Variants in ROBO3 observed in about 807,000 individuals in gnomAD.
ROBO3 encodes the protein roundabout guidance receptor 3, also known as roundabout homolog 3.
ROBO3 carries 97 observed loss-of-function variants against 160.5 expected under a neutral mutation model. The ratio of observed to expected loss-of-function variants is 0.60; its 90% CI spans 0.51 to 0.72. The LOEUF is 0.72. ROBO3 is among the 30% of genes least tolerant of loss of function. ROBO3 has a pLI of 0.00. For missense variants in ROBO3, 1,858 were observed against 1,846.5 expected (o/e 1.01, Z -0.11); for synonymous variants, 780 against 746.2 (o/e 1.05, Z -0.74).
Position 124,873,701 on chromosome 11 carries a change from C to T in ROBO3, c.1623C>T (p.Asp541=). 6.2e-7 allele frequency: 1 copy of T among 1,610,752 alleles called. No individual in the cohort carries two copies. ...AAAGATTATCTCCCACTGCAGAAGA[C>T]TGGGGAGTATCACCAGACCCCCCTA... The part of the protein sequence containing the change: ...TWSGWLKMRE[D]WGVSPDPPTE... The change falls in exon 11 of 28, where the codon GAC becomes GAT. Residue 541 remains aspartate, a synonymous_variant. Coordinates refer to ENST00000397801, the MANE Select transcript of ROBO3 (RefSeq NM_022370.4). This position sits in a 1 kb window ranked among gnomAD's most constrained non-coding sequence, Gnocchi z 4.5.
At position 124,880,734 on chromosome 11, in the gene ROBO3, G is replaced by A. The variant is rs539318891; in HGVS notation, c.4149+126G>A. On this transcript the variant is annotated intron_variant, in intron 27 of 27. Coordinates refer to ENST00000397801, the MANE Select transcript of ROBO3 (RefSeq NM_022370.4). Reference sequence around the variant, plus strand: ...GTGTCAAAAGGAGGGGATCGAGAGGGTGAGGGGGAGGGAGGAATCCTGTAG... The same window carrying A: ...GTGTCAAAAGGAGGGGATCGAGAGGATGAGGGGGAGGGAGGAATCCTGTAG... The A allele has an allele frequency of 3.2e-4, 429 of 1,348,950 alleles. 7 individuals carry two copies. The South Asian group carries it at 5.9e-3, about 19-fold the overall frequency. 83.6% of individuals were successfully genotyped at this position (1,348,950 alleles called of 1,614,324 possible).
intron 1 of ROBO3, among the ~76,000 whole-genome samples, chr11:124,867,290 C>A (rs960643666): frequency 6.6e-6 from 1 of 152,150 alleles, no homozygotes; most frequent in Admixed American, 6.5e-5. Flanking sequence ...TGACGTTTAT[C>A]CCCCAAGGGC....
chr11:124,869,363 C>G lies in ROBO3; in HGVS notation c.488-87C>G. ...GAATTCCAGTCTGCAGCGATCAACC[C>G]CTTCCCAAGACAACACTTTCCCTGT... On this transcript the variant is annotated intron_variant, in intron 2 of 27. Coordinates refer to ENST00000397801, the MANE Select transcript of ROBO3 (RefSeq NM_022370.4). This position sits in a 1 kb window ranked among gnomAD's most constrained non-coding sequence, Gnocchi z 4.2. 1 of 1,297,090 alleles carries G rather than the reference C, an allele frequency of 7.7e-7. No individual in the cohort carries two copies. Among genetic ancestry groups the G allele is most frequent in the Non-Finnish European group, 1.1e-6 (1 of 917,360 alleles). The allele number at this position is 1,297,090 out of a possible 1,614,324, so 80.3% of individuals were successfully genotyped here.
intron 5 of ROBO3, 35 bp from the exon 6 acceptor site, chr11:124,870,566 G>A (rs774097391): frequency 2.5e-6 from 4 of 1,613,158 alleles, no homozygotes; most frequent in Non-Finnish European, 3.4e-6. Context: ...GTCTGTAGCT[G>A]TGGCCAACCC....
At chr11:124,880,196 A>G (rs930690637) in intron 26 of ROBO3, among the ~76,000 whole-genome samples, 4 of 152,160 alleles carry the variant, frequency 2.6e-5, no homozygotes, top group Admixed American at 1.3e-4. Context: ...GCTCCCCACA[A>G]GGCTCCCTCT....
Position 124,869,416 on chromosome 11 carries a change from C to T in ROBO3, c.488-34C>T. The T allele has an allele frequency of 6.6e-7, 1 of 1,517,564 alleles. No homozygotes were observed. The highest frequency in any genetic ancestry group is 2.4e-5 in the East Asian group (1 of 41,336). 94.0% of individuals were successfully genotyped at this position (1,517,564 alleles called of 1,614,324 possible). A position where few individuals can be genotyped will look rare whatever the true frequency, so the allele number is the denominator to read the frequency against. ...CCTCAGCCAGTTATGTCACTCTACA[C>T]CCTGCTTATTTCGCCCCCCACCGCC... On this transcript the variant is annotated intron_variant, in intron 2 of 27. Coordinates refer to ENST00000397801, the MANE Select transcript of ROBO3 (RefSeq NM_022370.4). The surrounding 1 kb of genome is among the most constrained non-coding windows in gnomAD (Gnocchi z 4.2).
chr11:124,870,285 G>A lies in ROBO3; in HGVS notation c.887G>A (p.Gly296Glu), dbSNP rs975664500. 7 of 1,613,892 alleles carry A rather than the reference G, an allele frequency of 4.3e-6. No homozygotes were observed. In the Admixed American group the frequency reaches 6.7e-5, roughly 15 times the overall value. ...CGTCTACGCTGGCGCAAGGAGGATG[G>A]GGAACTGCCCACAGGCAGGTGAGAG... ...PPRLRWRKED[G>E]ELPTGRYEIR... The change falls in exon 5 of 28, where the codon GGG becomes GAG. Residue 296 changes from glycine (G) to glutamate (E), a missense_variant. Transcript: ENST00000397801.
rs376872022 is a variant in ROBO3 at position 124,878,709 on chromosome 11, G to A, written c.3446G>A (p.Gly1149Glu). 24 of 1,613,668 alleles carry A rather than the reference G, an allele frequency of 1.5e-5. No individual in the cohort carries two copies. The African/African-American group carries it at 2.9e-4, about 20-fold the overall frequency. ...ACCCCCTCTCCCACACCTTCCTATG[G>A]ACAGCAGTCCACAGCCACTCTTACA... ...RETPSPTPSYGQQSTATLTPS... is the reference protein window; with the variant it reads ...RETPSPTPSYEQQSTATLTPS... The change falls in exon 23 of 28, where the codon GGA becomes GAA. Residue 1149 changes from glycine to glutamate, a missense_variant. Transcript: ENST00000397801. This position sits in a 1 kb window ranked among gnomAD's most constrained non-coding sequence, Gnocchi z 4.3.
rs1352918989 is a variant in ROBO3 at position 124,870,655 on chromosome 11, T to C, written c.960T>C (p.Asp320=). Residue 320 remains aspartate, a synonymous_variant, in exon 6 of 28, where the codon GAT becomes GAC. Transcript: ENST00000397801. ...SLWIGHVSAE[D]EGTYTCVAEN... is the part of the protein sequence containing the mutation. The stretch of plus-strand genomic sequence containing the variant: ...GGATTGGGCATGTGAGTGCCGAAGA[T>C]GAGGGAACGTACACCTGTGTGGCGG... The C allele has an allele frequency of 1.2e-6, 2 of 1,613,258 alleles. No individual in the cohort carries two copies. The highest frequency in any genetic ancestry group is 1.7e-5 in the Admixed American group (1 of 59,940).
At chr11:124,868,543 GC>G (rs1326643062) in intron 1 of ROBO3, 1 of 613,844 alleles carries the variant, frequency 1.6e-6, no homozygotes, top group African/African-American at 1.8e-5. Flanking sequence ...GGTCCAGAAA[GC>G]CGGCCTAGAA....
Position 124,875,205 on chromosome 11 carries a change from C to A in ROBO3, c.2168C>A (p.Ser723Tyr), listed in dbSNP as rs757593376. The A allele has an allele frequency of 1.9e-6, 3 of 1,613,704 alleles. No individual in the cohort carries two copies. The Admixed American group carries it at 5.0e-5, about 27-fold the overall frequency. Residue 723 changes from serine (S) to tyrosine (Y), a missense_variant, in exon 14 of 28, where the codon TCC becomes TAC. Ser to Tyr is a moderately radical substitution (Grantham distance 144). Coordinates refer to ENST00000397801, the MANE Select transcript of ROBO3 (RefSeq NM_022370.4). ...GGSWTMLDLQ[S>Y]PSQQSTVLRG... ...AGCTGGACAATGTTGGACCTACAGT[C>A]CCCAAGCCAGCAAAGTACTGTGCTA...
chr11:124,879,324 C>T lies in ROBO3; in HGVS notation c.3668C>T (p.Thr1223Ile), dbSNP rs1444088207. The change falls in exon 24 of 28, where the codon ACA (threonine) becomes ATA (isoleucine). Residue 1223 changes from threonine (T) to isoleucine (I), a missense_variant. Coordinates refer to ENST00000397801, the MANE Select transcript of ROBO3 (RefSeq NM_022370.4). ...CTCAGCCCCAGTCCTGCCCCTAGCACAGCCAGCAGTGCCCCAGGTAAGTCT... is the reference window on the plus strand; with the variant it reads ...CTCAGCCCCAGTCCTGCCCCTAGCATAGCCAGCAGTGCCCCAGGTAAGTCT... ...PHLSPSPAPS[T>I]ASSAPGRTWQ... The T allele has an allele frequency of 6.2e-7, 1 of 1,609,212 alleles. No homozygotes were observed.
At chr11:124,870,755 C>T in intron 6 of ROBO3, 27 bp downstream of exon 6, 2 of 1,605,296 alleles carry the variant, frequency 1.2e-6, no homozygotes, top group Non-Finnish European at 1.7e-6. Flanking sequence ...GGACTGCCTG[C>T]AGCAGGAATG....
chr11:124,880,462 G>A lies in ROBO3; in HGVS notation c.4003G>A (p.Gly1335Ser), dbSNP rs748826266. 1 of 1,611,530 alleles carries A rather than the reference G, an allele frequency of 6.2e-7. No homozygotes were observed. Among genetic ancestry groups the A allele is most frequent in the Non-Finnish European group, 8.5e-7 (1 of 1,178,946 alleles). ...CAGCAGACCAAGCTTCCTGTCCCGG[G>A]GCCAGGGCACCAGCACATGTTCCAC... The part of the protein sequence containing the change: ...PYSRPSFLSR[G>S]QGTSTCSTAG... The change falls in exon 27 of 28, where the codon GGC becomes AGC. Residue 1335 changes from glycine (G) to serine (S), a missense_variant. Coordinates refer to ENST00000397801, the MANE Select transcript of ROBO3 (RefSeq NM_022370.4).
In ROBO3 at chr11:124,877,094, A is replaced by T. The variant is rs939466097; in HGVS notation, c.2780-67A>T. 5.2e-6 allele frequency: 8 copies of T among 1,547,610 alleles called. No homozygotes were observed. The Admixed American group carries it at 8.4e-5, about 16-fold the overall frequency. ...GACCGGGGCCTAGGCGTGGACAAGTATAGGGGTATTTCTGACCCTTCTCCT... is the reference window on the plus strand; with the variant it reads ...GACCGGGGCCTAGGCGTGGACAAGTTTAGGGGTATTTCTGACCCTTCTCCT... On this transcript the variant is annotated intron_variant, in intron 17 of 27. Coordinates refer to ENST00000397801, the MANE Select transcript of ROBO3 (RefSeq NM_022370.4).
Position 124,865,623 on chromosome 11 carries a change from G to A in ROBO3, c.46G>A (p.Ala16Thr), listed in dbSNP as rs189616702. The A allele has an allele frequency of 2.5e-4, 407 of 1,612,972 alleles. No individual in the cohort carries two copies. In the African/African-American group the frequency reaches 4.6e-3, roughly 18 times the overall value. ...AACGCTGCTGCAGATGAACTTGTTC[G>A]CGGACTCTCTGGCCGGGGACATCTC... Reference protein sequence around the residue: ...LKTLLQMNLFADSLAGDISNS... With the variant: ...LKTLLQMNLFTDSLAGDISNS... Residue 16 changes from alanine (A) to threonine (T), a missense_variant, in exon 1 of 28, where the codon GCG becomes ACG. Coordinates refer to ENST00000397801, the MANE Select transcript of ROBO3 (RefSeq NM_022370.4). The surrounding 1 kb of genome is among the most constrained non-coding windows in gnomAD (Gnocchi z 5.5).
Position 124,869,429 on chromosome 11 carries a change from G to GCGCC in ROBO3, c.488-20_488-19insGCCC. 1 of 1,295,760 alleles carries GCGCC rather than the reference G, an allele frequency of 7.7e-7. No individual in the cohort carries two copies. 80.3% of individuals were successfully genotyped at this position (1,295,760 alleles called of 1,614,324 possible). On this transcript the variant is annotated intron_variant, in intron 2 of 27. Coordinates refer to ENST00000397801, the MANE Select transcript of ROBO3 (RefSeq NM_022370.4). This position sits in a 1 kb window ranked among gnomAD's most constrained non-coding sequence, Gnocchi z 4.2. Reference sequence around the variant, plus strand: ...TGTCACTCTACACCCTGCTTATTTCGCCCCCCACCGCCCCGCCCAGTCCTC... The same window carrying GCGCC: ...TGTCACTCTACACCCTGCTTATTTCGCGCCCCCCCCACCGCCCCGCCCAGTCCTC...
chr11:124,866,549 AC>A (rs375863723), intron 1 of ROBO3, among the ~76,000 whole-genome samples: 150 of 152,284 alleles, frequency 9.9e-4, no homozygotes, highest in African/African-American at 3.4e-3. Context: ...CTCTGCCTCG[AC>A]CCACTCGAGT....
Position 124,869,208 on chromosome 11 carries a change from C to G in ROBO3, c.487+80C>G. On this transcript the variant is annotated intron_variant, in intron 2 of 27. Transcript: ENST00000397801. The surrounding 1 kb of genome is among the most constrained non-coding windows in gnomAD (Gnocchi z 4.2). ...GGGCACTGGGCAATCAGACCCAGAA[C>G]CAGCCCCAAAGGACTTCAGCCCACT... 7.0e-7 allele frequency: 1 copy of G among 1,421,774 alleles called. No individual in the cohort carries two copies. The highest frequency in any genetic ancestry group is 2.1e-5 in the Admixed American group (1 of 47,394). The allele number at this position is 1,421,774 out of a possible 1,614,324, so 88.1% of individuals were successfully genotyped here.
Sources: allele counts gnomAD v4.1 joint callset (sites outside exome capture counted in the v4.1 genomes callset), GRCh38; gene constraint gnomAD v4.1.1; non-coding constraint Gnocchi (gnomAD v3.1); transcripts MANE v1.5; gene names NCBI Gene and HGNC (gene_info 2026-07-23, HGNC 2026-07-21).